SMOC1: variants seen among roughly 807,000 people sequenced by gnomAD.
SMOC1 encodes the protein SPARC related modular calcium binding 1.
A neutral mutation model predicts 56.3 loss-of-function variants in SMOC1; 22 were observed. That is an observed-to-expected ratio of 0.39 (90% CI 0.28 to 0.56). SMOC1 has a LOEUF of 0.56. Ranked by LOEUF, SMOC1 falls within the 20% of genes least tolerant of loss-of-function variation. SMOC1 has a pLI of 0.61. For missense variants in SMOC1, 509 were observed against 565.4 expected, an observed-to-expected ratio of 0.90 and a Z score of 1.01; for synonymous variants, 193 against 215.0, an observed-to-expected ratio of 0.90 and a Z score of 0.89.
At chr14:69,914,034 G>A (rs953502609) in intron 1 of SMOC1, among the ~76,000 whole-genome samples, 2 of 152,196 alleles carry the variant, frequency 1.3e-5, no homozygotes, top group African/African-American at 4.8e-5. Flanking sequence ...GGTTCTCAAA[G>A]TATGGTCACT....
chr14:69,987,104 T>A (rs74060677), intron 5 of SMOC1, among the ~76,000 whole-genome samples: 2,347 of 152,316 alleles, frequency 0.015, 57 homozygotes, highest in African/African-American at 0.053. Flanking sequence ...CACTTCCACA[T>A]TGAGCCTCAG....
intron 3 of SMOC1, among the ~76,000 whole-genome samples, chr14:69,961,658 G>A (rs1194004804): frequency 2.0e-5 from 3 of 152,102 alleles, no homozygotes; most frequent in Non-Finnish European, 2.9e-5. Context: ...TTACAGGTGT[G>A]GGCCACCACG....
chr14:69,998,637 C>T (rs1884860531), intron 7 of SMOC1, among the ~76,000 whole-genome samples: 1 of 152,252 alleles, frequency 6.6e-6, no homozygotes. Flanking sequence ...TGATTTACAT[C>T]TTTGTTTCTA....
chr14:69,994,612 A>G lies in SMOC1; in HGVS notation c.664+132A>G, dbSNP rs1193849440. On this transcript the variant is annotated intron_variant, in intron 7 of 11. Coordinates refer to ENST00000361956, the MANE Select transcript of SMOC1 (RefSeq NM_001034852.3). ...GGTTGTCAATTTCTATAGCTATAAA[A>G]TAAAGAGATTGGATAAGTTAATCCC... 7 of 753,106 alleles carry G rather than the reference A, an allele frequency of 9.3e-6. No homozygotes were observed. In the East Asian group the frequency reaches 1.5e-4, roughly 16 times the overall value. The allele number at this position is 753,106 out of a possible 1,614,324, so 46.7% of individuals were successfully genotyped here.
intron 1 of SMOC1, among the ~76,000 whole-genome samples, chr14:69,942,331 G>A (rs1281363527): frequency 6.6e-6 from 1 of 152,136 alleles, no homozygotes; most frequent in Non-Finnish European, 1.5e-5. Context: ...TTCTCTGAGT[G>A]CCTATGGGGG....
At position 69,961,270 on chromosome 14, in the gene SMOC1, G is replaced by GTATA. The variant is rs1350815267; in HGVS notation, c.378+7739_378+7740insATAT. Among the ~76,000 whole-genome samples the GTATA allele has an allele frequency of 4.0e-4, 24 of 59,688 alleles. 1 individual carries two copies. The highest frequency in any genetic ancestry group is 1.5e-3 in the African/African-American group (19 of 12,538). 39.2% of individuals were successfully genotyped at this position (59,688 alleles called of 152,430 possible). A position where few individuals can be genotyped will look rare whatever the true frequency, so the allele number is the denominator to read the frequency against. On this transcript the variant is annotated intron_variant, in intron 3 of 11. Coordinates refer to ENST00000361956, the MANE Select transcript of SMOC1 (RefSeq NM_001034852.3). ...TTTTATTGTCAAGCAATATTCTATT[G>GTATA]TGTATATATATATATATATATATAT...
chr14:69,890,081 A>G (rs930025445), intron 1 of SMOC1, among the ~76,000 whole-genome samples: 10 of 152,298 alleles, frequency 6.6e-5, no homozygotes, highest in African/African-American at 2.4e-4. Flanking sequence ...TCTGCCTACC[A>G]CATTCATTAA....
chr14:69,951,712 G>C (rs1037203048), intron 1 of SMOC1, among the ~76,000 whole-genome samples: 3 of 152,188 alleles, frequency 2.0e-5, no homozygotes, highest in African/African-American at 7.2e-5. Context: ...GGATGAAGAG[G>C]CTGGACATCC....
intron 1 of SMOC1, among the ~76,000 whole-genome samples, chr14:69,941,917 T>G (rs972608970): frequency 6.6e-6 from 1 of 152,216 alleles, no homozygotes; most frequent in East Asian, 1.9e-4. Context: ...TTACCTCTCC[T>G]TCTAGCCCTA....
At chr14:70,002,570 G>A (rs2139567899) in intron 7 of SMOC1, among the ~76,000 whole-genome samples, 1 of 152,274 alleles carries the variant, frequency 6.6e-6, no homozygotes, top group South Asian at 2.1e-4. Flanking sequence ...GCATAACTCT[G>A]AGTCACATAG....
intron 1 of SMOC1, among the ~76,000 whole-genome samples, chr14:69,901,073 C>T (rs140802436): frequency 2.9e-4 from 44 of 152,352 alleles, no homozygotes; most frequent in African/African-American, 9.9e-4. Flanking sequence ...TCTTAAGGGT[C>T]ACATGCAACT....
intron 1 of SMOC1, among the ~76,000 whole-genome samples, chr14:69,919,626 G>A (rs1335962416): frequency 5.3e-5 from 8 of 152,146 alleles, no homozygotes; most frequent in Admixed American, 3.9e-4. Context: ...GTGAAGCTGG[G>A]CCTCAAGCTT....
At chr14:69,902,951 G>A (rs1042131662) in intron 1 of SMOC1, among the ~76,000 whole-genome samples, 1 of 152,160 alleles carries the variant, frequency 6.6e-6, no homozygotes, top group Non-Finnish European at 1.5e-5. Context: ...GTGCAGTGGC[G>A]TGATCTCGGC....
At chr14:70,023,553 C>A in intron 11 of SMOC1, 106 bp downstream of exon 11, 1 of 1,484,104 alleles carries the variant, frequency 6.7e-7, no homozygotes, top group Non-Finnish European at 9.4e-7. Flanking sequence ...ATCTATTCAT[C>A]AATTATTTGC....
intron 5 of SMOC1, among the ~76,000 whole-genome samples, chr14:69,987,067 C>T (rs1363740383): frequency 6.6e-6 from 1 of 152,204 alleles, no homozygotes; most frequent in Non-Finnish European, 1.5e-5. Flanking sequence ...CTGTTGTCTC[C>T]TTACGATGCC....
intron 3 of SMOC1, among the ~76,000 whole-genome samples, chr14:69,963,062 C>T (rs1317643060): frequency 1.3e-5 from 2 of 152,120 alleles, no homozygotes; most frequent in South Asian, 2.1e-4. Flanking sequence ...AATTCTATTC[C>T]TTAATCTATA....
intron 3 of SMOC1, among the ~76,000 whole-genome samples, chr14:69,966,934 T>G (rs1883598866): frequency 6.6e-6 from 1 of 152,238 alleles, no homozygotes; most frequent in Non-Finnish European, 1.5e-5. Context: ...TAGGGATTTA[T>G]ATATCTTTCC....
intron 8 of SMOC1, 44 bp from the exon 9 acceptor site, chr14:70,011,441 G>A: frequency 6.5e-7 from 1 of 1,531,634 alleles, no homozygotes; most frequent in Non-Finnish European, 9.0e-7. Context: ...AGTAGGCTCA[G>A]TTGCCAGCCC....
At chr14:69,909,370 C>T (rs756137192) in intron 1 of SMOC1, among the ~76,000 whole-genome samples, 35 of 152,160 alleles carry the variant, frequency 2.3e-4, no homozygotes, top group Non-Finnish European at 4.6e-4. Flanking sequence ...TGGCTGAGCT[C>T]TTCCTTATTT....
Sources: gnomAD v4.1 joint callset for allele counts (sites outside exome capture counted in the v4.1 genomes callset) on GRCh38, gnomAD v4.1.1 for gene constraint, MANE v1.5 for transcripts, NCBI Gene and HGNC (gene_info 2026-07-23, HGNC 2026-07-21) for gene names.